The following RIMBP2 variants were observed in gnomAD, a reference collection of about 807,000 sequenced individuals.
The protein encoded by RIMBP2 is RIMS-binding protein 2.
A neutral mutation model predicts 118.6 loss-of-function variants in RIMBP2; 48 were observed. That is an observed-to-expected ratio of 0.40 (90% CI 0.32 to 0.51). The LOEUF (loss-of-function observed/expected upper bound fraction) is 0.51. Ranked by LOEUF, RIMBP2 falls within the 20% of genes least tolerant of loss-of-function variation. The probability of loss-of-function intolerance (pLI) is 0.41; values close to 1 mark genes in which losing one functional copy is unlikely to be tolerated. For synonymous variants in RIMBP2, 762 were observed against 742.9 expected (o/e 1.03, Z -0.42); for missense variants, 1,551 against 1,768.3 (o/e 0.88, Z 2.20).
intron 2 of RIMBP2, among the ~76,000 whole-genome samples, chr12:130,624,641 G>A (rs1254211348): frequency 6.6e-6 from 1 of 152,160 alleles, no homozygotes; most frequent in Non-Finnish European, 1.5e-5. Context: ...TTTTCAGTGA[G>A]CATCTGCTGC....
intron 1 of RIMBP2, among the ~76,000 whole-genome samples, chr12:130,674,930 T>G (rs2064381743): frequency 6.6e-6 from 1 of 152,208 alleles, no homozygotes; most frequent in Non-Finnish European, 1.5e-5. Context: ...TGGTGGCGTG[T>G]GTCAGGCTTC....
At chr12:130,414,975 C>A (rs540943675) in intron 17 of RIMBP2, among the ~76,000 whole-genome samples, 2 of 152,214 alleles carry the variant, frequency 1.3e-5, no homozygotes, top group East Asian at 3.9e-4. Flanking sequence ...TACCAACATA[C>A]AAAGAAGAGC....
At chr12:130,650,973 AAAAG>A (rs1555318469) in intron 1 of RIMBP2, among the ~76,000 whole-genome samples, 22 of 143,286 alleles carry the variant, frequency 1.5e-4, no homozygotes, top group African/African-American at 3.5e-4. Context: ...AAAAAAAAAA[AAAAG>A]AAAGAAAAGA....
At chr12:130,470,651 C>T (rs562362082) in intron 6 of RIMBP2, 42 bp downstream of exon 6, 136 of 1,186,848 alleles carry the variant, frequency 1.1e-4, no homozygotes, top group Non-Finnish European at 1.3e-4. Flanking sequence ...CTCTCCCCAA[C>T]GTCCCCCACC....
intron 1 of RIMBP2, among the ~76,000 whole-genome samples, chr12:130,631,463 C>T (rs915078702): frequency 6.6e-6 from 1 of 152,142 alleles, no homozygotes; most frequent in African/African-American, 2.4e-5. Context: ...CTTCCTTGTG[C>T]AGGCTGTCCT....
Position 130,514,339 on chromosome 12 carries a change from GCAAA to G in RIMBP2, c.-127+3485_-127+3488del, listed in dbSNP as rs373950988. ...GCAGGGGGAGAAATTCAAACCTCAAGCAAACAAACAAAGTGGTTTGAATCCTGCG... is the reference window on the plus strand; with the variant it reads ...GCAGGGGGAGAAATTCAAACCTCAAGCAAACAAAGTGGTTTGAATCCTGCG... On this transcript the variant is annotated intron_variant, in intron 3 of 22. Transcript: ENST00000690449. Among the ~76,000 whole-genome samples the G allele has an allele frequency of 6.8e-3, 1,037 of 152,366 alleles. 14 individuals carry two copies. Among genetic ancestry groups the G allele is most frequent in the African/African-American group, 0.023 (937 of 41,584 alleles).
At position 130,441,890 on chromosome 12, in the gene RIMBP2, C is replaced by T; in HGVS notation, c.1462G>A (p.Glu488Lys). Residue 488 changes from glutamate (E) to lysine (K), a missense_variant, in exon 11 of 23, where the codon GAG becomes AAG. Physicochemically the swap from Glu to Lys is moderately conservative, Grantham distance 56. Transcript: ENST00000690449. ...AACTCCACAAAGGCCTCCTTCTTCT[C>T]CCTTTGCTCCAGCGGGAGCTGCCAC... is the stretch of plus-strand genomic sequence containing the variant. ...MPWQLPLEQREKKEAFVEFST... is the reference protein window; with the variant it reads ...MPWQLPLEQRKKKEAFVEFST... 1.9e-6 allele frequency: 3 copies of T among 1,613,856 alleles called. No homozygotes were observed. The highest frequency in any genetic ancestry group is 2.5e-6 in the Non-Finnish European group (3 of 1,180,052).
chr12:130,656,173 G>A (rs775501101), intron 1 of RIMBP2, among the ~76,000 whole-genome samples: 4 of 152,144 alleles, frequency 2.6e-5, no homozygotes, highest in Admixed American at 6.5e-5. Flanking sequence ...AGCGAGCCTC[G>A]GTTTGTCTAA....
At chr12:130,435,467 G>A (rs1324504181) in intron 13 of RIMBP2, among the ~76,000 whole-genome samples, 1 of 152,156 alleles carries the variant, frequency 6.6e-6, no homozygotes, top group Non-Finnish European at 1.5e-5. Flanking sequence ...CATAGGACTT[G>A]GAAGTATTTG....
Position 130,412,737 on chromosome 12 carries a change from G to T in RIMBP2, c.3471C>A (p.Ala1157=). ...TGTTACAAGGAATAAGGCCAAGCCG[G>T]GCACAGGTTTCCCCACGGTAGAATC... is the stretch of plus-strand genomic sequence containing the variant. The part of the protein sequence containing the change: ...ADGFYRGETC[A]RLGLIPCNMV... Residue 1157 remains alanine, a synonymous_variant, in exon 19 of 23, where the codon GCC becomes GCA. Coordinates refer to ENST00000690449, the MANE Select transcript of RIMBP2 (RefSeq NM_001393629.1). 1 of 1,613,868 alleles carries T rather than the reference G, an allele frequency of 6.2e-7. No individual in the cohort carries two copies. The highest frequency in any genetic ancestry group is 8.5e-7 in the Non-Finnish European group (1 of 1,179,980).
intron 2 of RIMBP2, among the ~76,000 whole-genome samples, chr12:130,582,159 AC>A (rs1211646952): frequency 2.0e-5 from 3 of 151,834 alleles, no homozygotes; most frequent in African/African-American, 7.3e-5. Context: ...AGCACTCCCT[AC>A]CTTTGAATAC....
intron 1 of RIMBP2, among the ~76,000 whole-genome samples, chr12:130,655,475 A>G (rs1352106475): frequency 6.6e-6 from 1 of 152,196 alleles, no homozygotes; most frequent in Non-Finnish European, 1.5e-5. Flanking sequence ...CAGGGCGGAG[A>G]GTCAGAGAAA....
intron 19 of RIMBP2, among the ~76,000 whole-genome samples, chr12:130,411,336 C>T (rs937798083): frequency 6.6e-6 from 1 of 151,992 alleles, no homozygotes; most frequent in African/African-American, 2.4e-5. Flanking sequence ...GTCTGTACAC[C>T]AGGTGTGACT....
intron 1 of RIMBP2, among the ~76,000 whole-genome samples, chr12:130,707,167 G>A (rs549095434): frequency 7.9e-5 from 12 of 152,254 alleles, no homozygotes; most frequent in Admixed American, 1.3e-4. Flanking sequence ...CAGGAAGAGC[G>A]GTGGGGTCAC....
intron 1 of RIMBP2, among the ~76,000 whole-genome samples, chr12:130,650,849 A>G (rs557331299): frequency 2.0e-4 from 30 of 152,248 alleles, no homozygotes; most frequent in African/African-American, 7.0e-4. Context: ...CTATGCCCTA[A>G]AAGAAAATCG....
rs575956538 is a variant in RIMBP2, at chr12:130,440,224, G to C, written c.1504+1624C>G. The stretch of plus-strand genomic sequence containing the variant: ...TGGCCGTACCTGCACCACCGTCCCC[G>C]GGCATGGCTAACCCTGGCCGTACCT... On this transcript the variant is annotated intron_variant, in intron 11 of 22. Coordinates refer to ENST00000690449, the MANE Select transcript of RIMBP2 (RefSeq NM_001393629.1). 5.1e-3 allele frequency among the ~76,000 whole-genome samples: 757 copies of C among 149,762 alleles called. 5 individuals carry two copies. The highest frequency in any genetic ancestry group is 0.017 in the African/African-American group (680 of 40,252).
At chr12:130,507,410 G>C (rs2050471787) in intron 3 of RIMBP2, among the ~76,000 whole-genome samples, 1 of 152,130 alleles carries the variant, frequency 6.6e-6, no homozygotes, top group African/African-American at 2.4e-5. Context: ...AATTTGAATC[G>C]TCTGTCCCCT....
At chr12:130,457,041 G>A (rs1410604810) in intron 6 of RIMBP2, among the ~76,000 whole-genome samples, 1 of 152,180 alleles carries the variant, frequency 6.6e-6, no homozygotes, top group African/African-American at 2.4e-5. Context: ...CCAGCCAACC[G>A]TAGATTGTTC....
intron 2 of RIMBP2, among the ~76,000 whole-genome samples, chr12:130,587,828 A>AT (rs1289085397): frequency 8.1e-5 from 10 of 122,934 alleles, no homozygotes; most frequent in African/African-American, 3.2e-4. Flanking sequence ...TTAAAGTATA[A>AT]TAAAAAAAAA....
Sources: gnomAD v4.1 joint callset for allele counts (sites outside exome capture counted in the v4.1 genomes callset) on GRCh38, gnomAD v4.1.1 for gene constraint, MANE v1.5 for transcripts, NCBI Gene and HGNC (gene_info 2026-07-23, HGNC 2026-07-21) for gene names.